SLC39A11: variants seen among roughly 807,000 people sequenced by gnomAD.
SLC39A11 encodes the protein solute carrier family 39 member 11.
Under a neutral mutation model 36.1 loss-of-function variants are expected in SLC39A11, and 33 were observed. The observed-to-expected ratio is 0.91, with a 90% CI of 0.69 to 1.22. SLC39A11 has a LOEUF of 1.22. Among genes scored for constraint, SLC39A11 ranks in the 50% most tolerant of loss-of-function variants. SLC39A11 has a pLI of 0.00. For missense variants in SLC39A11, 432 were observed against 430.3 expected (o/e 1.00, Z -0.03); for synonymous variants, 166 against 170.3 (o/e 0.97, Z 0.20).
chr17:73,050,064 T>C (rs962358878), intron 3 of SLC39A11, among the ~76,000 whole-genome samples: 3 of 152,118 alleles, frequency 2.0e-5, no homozygotes, highest in Non-Finnish European at 2.9e-5. Flanking sequence ...GAGGTTGCAG[T>C]GAGCTGAGAT....
intron 6 of SLC39A11, among the ~76,000 whole-genome samples, chr17:72,770,742 C>T (rs1452727401): frequency 6.6e-6 from 1 of 152,210 alleles, no homozygotes; most frequent in Non-Finnish European, 1.5e-5. Context: ...CACTGCAAGG[C>T]AACAAGCACA....
intron 5 of SLC39A11, among the ~76,000 whole-genome samples, chr17:72,862,940 A>G (rs1040735170): frequency 5.9e-5 from 9 of 152,330 alleles, no homozygotes; most frequent in African/African-American, 1.9e-4. Context: ...TTGAGCATGC[A>G]AAAACAAAAC....
intron 4 of SLC39A11, among the ~76,000 whole-genome samples, chr17:72,967,478 C>G (rs1173282075): frequency 6.6e-6 from 1 of 151,716 alleles, no homozygotes; most frequent in African/African-American, 2.4e-5. Context: ...TAAAACCAGC[C>G]TCCACACCAG....
intron 7 of SLC39A11, among the ~76,000 whole-genome samples, chr17:72,730,116 T>C (rs962055793): frequency 6.6e-6 from 1 of 152,212 alleles, no homozygotes; most frequent in African/African-American, 2.4e-5. Context: ...AGTTTATATA[T>C]GTCCACTGCA....
intron 1 of SLC39A11, chr17:73,092,286 C>T (rs919852493): frequency 6.6e-6 from 1 of 152,248 alleles, no homozygotes; most frequent in Non-Finnish European, 1.5e-5. Flanking sequence ...CCGGGTACCC[C>T]CACACACCGC....
intron 5 of SLC39A11, among the ~76,000 whole-genome samples, chr17:72,937,614 T>C (rs951823356): frequency 3.3e-5 from 5 of 152,188 alleles, no homozygotes; most frequent in Non-Finnish European, 7.3e-5. Context: ...CTTATATGAT[T>C]GCTAGTGGTT....
At chr17:72,829,083 G>A (rs867829088) in intron 6 of SLC39A11, among the ~76,000 whole-genome samples, 6 of 152,118 alleles carry the variant, frequency 3.9e-5, no homozygotes, top group South Asian at 2.1e-4. Flanking sequence ...CAGGTGCGGC[G>A]GCTCACACCT....
chr17:72,647,366 T>C lies in SLC39A11; in HGVS notation c.*218A>G, dbSNP rs1766090657. The C allele has an allele frequency of 2.5e-6, 1 of 405,610 alleles. No homozygotes were observed. Among genetic ancestry groups the C allele is most frequent in the Non-Finnish European group, 4.4e-6 (1 of 225,412 alleles). 25.1% of individuals were successfully genotyped at this position (405,610 alleles called of 1,614,324 possible). On this transcript the variant is annotated 3_prime_UTR_variant, in exon 10 of 10. Coordinates refer to ENST00000255559, the MANE Select transcript of SLC39A11 (RefSeq NM_139177.4). ...TTCAGTGGCCAAAACAAAGAATCTGTATTTCCATGACACCTTAAAATTCCC... is the reference window on the plus strand; with the variant it reads ...TTCAGTGGCCAAAACAAAGAATCTGCATTTCCATGACACCTTAAAATTCCC...
intron 3 of SLC39A11, among the ~76,000 whole-genome samples, chr17:73,035,285 C>T (rs1211127288): frequency 6.6e-6 from 1 of 152,146 alleles, no homozygotes; most frequent in African/African-American, 2.4e-5. Context: ...GGATTACAGG[C>T]ATGAGCCACC....
In SLC39A11 at chr17:72,921,038, C is replaced by G. The variant is rs75184051; in HGVS notation, c.430+26714G>C. Among the ~76,000 whole-genome samples the G allele has an allele frequency of 5.8e-3, 879 of 152,252 alleles. 11 individuals carry two copies. The highest frequency in any genetic ancestry group is 0.026 in the East Asian group (134 of 5,186). On this transcript the variant is annotated intron_variant, in intron 5 of 9. Coordinates refer to ENST00000255559, the MANE Select transcript of SLC39A11 (RefSeq NM_139177.4). ...TGAGAGGGGACTTTCATTTCTTGTT[C>G]TTATTCTTGCATTTGTTTGTTCGGT... is the stretch of plus-strand genomic sequence containing the variant.
chr17:72,870,151 G>A (rs1267330882), intron 5 of SLC39A11, among the ~76,000 whole-genome samples: 1 of 151,980 alleles, frequency 6.6e-6, no homozygotes, highest in East Asian at 1.9e-4. Flanking sequence ...CAGTGCTTAA[G>A]GTGAGTCTAA....
chr17:73,041,837 T>A (rs1258313996), intron 3 of SLC39A11, among the ~76,000 whole-genome samples: 1 of 152,248 alleles, frequency 6.6e-6, no homozygotes, highest in Non-Finnish European at 1.5e-5. Flanking sequence ...TTACAAGCTC[T>A]TCTTCATAGT....
chr17:73,040,495 A>G lies in SLC39A11; in HGVS notation c.148-8781T>C, dbSNP rs1364301853. Among the ~76,000 whole-genome samples the G allele has an allele frequency of 3.9e-5, 6 of 152,220 alleles. 1 individual carries two copies. The highest frequency in any genetic ancestry group is 2.0e-4 in the Admixed American group (3 of 15,282). On this transcript the variant is annotated intron_variant, in intron 3 of 9. Transcript: ENST00000255559. Reference sequence around the variant, plus strand: ...GTGGGGAAACTGGTGACATCCAAATAAAGTCTGGAGTTTAGGGAATAGTAA... The same window carrying G: ...GTGGGGAAACTGGTGACATCCAAATGAAGTCTGGAGTTTAGGGAATAGTAA...
chr17:73,004,232 A>AAAGAAAAGAAAGAAAGAAAG, intron 4 of SLC39A11, among the ~76,000 whole-genome samples: 11 of 88,710 alleles, frequency 1.2e-4, no homozygotes, highest in South Asian at 8.1e-4. Flanking sequence ...AGAAAGAAAG[A>AAAGAAAAGAAAGAAAGAAAG]AAAGAAAGAA....
At chr17:72,896,903 A>C (rs1382009267) in intron 5 of SLC39A11, among the ~76,000 whole-genome samples, 2 of 151,776 alleles carry the variant, frequency 1.3e-5, no homozygotes, top group African/African-American at 4.8e-5. Flanking sequence ...AAATACAAAA[A>C]TTAGCTGGGC....
chr17:72,824,582 G>A (rs1293383521), intron 6 of SLC39A11, among the ~76,000 whole-genome samples: 1 of 151,398 alleles, frequency 6.6e-6, no homozygotes, highest in Non-Finnish European at 1.5e-5. Flanking sequence ...ACAGGAAGAT[G>A]AGGGAAAGTT....
intron 7 of SLC39A11, among the ~76,000 whole-genome samples, chr17:72,655,439 G>A (rs968690191): frequency 5.3e-5 from 8 of 152,364 alleles, no homozygotes; most frequent in African/African-American, 1.2e-4. Flanking sequence ...GGCAAATGCC[G>A]ATGCCTCGGC....
chr17:72,732,473 A>G (rs2074272985), intron 7 of SLC39A11, among the ~76,000 whole-genome samples: 1 of 151,864 alleles, frequency 6.6e-6, no homozygotes, highest in Admixed American at 6.6e-5. Flanking sequence ...TCTTCTCTGG[A>G]CTGTTTCTTA....
intron 6 of SLC39A11, among the ~76,000 whole-genome samples, chr17:72,803,452 G>T (rs1032364475): frequency 6.6e-6 from 1 of 152,248 alleles, no homozygotes; most frequent in African/African-American, 2.4e-5. Flanking sequence ...AGGTACAAAG[G>T]ACCTGCCTGA....
Sources: allele counts gnomAD v4.1 joint callset (sites outside exome capture counted in the v4.1 genomes callset), GRCh38; gene constraint gnomAD v4.1.1; transcripts MANE v1.5; gene names NCBI Gene and HGNC (gene_info 2026-07-23, HGNC 2026-07-21).